Variants in PRKAG3 observed in about 807,000 individuals in gnomAD.
The protein encoded by PRKAG3 is protein kinase AMP-activated non-catalytic subunit gamma 3.
PRKAG3 carries 39 observed loss-of-function variants against 56.5 expected under a neutral mutation model. The ratio of observed to expected loss-of-function variants is 0.69; its 90% CI spans 0.53 to 0.90. The LOEUF (loss-of-function observed/expected upper bound fraction) is 0.90. Among genes scored for constraint, PRKAG3 ranks in the 40% least tolerant of loss-of-function variants. The pLI is 0.00. For missense variants in PRKAG3, 628 were observed against 627.5 expected, an observed-to-expected ratio of 1.00 and a Z score of -0.01; for synonymous variants, 243 against 250.1, an observed-to-expected ratio of 0.97 and a Z score of 0.27.
At chr2:218,831,478 C>G (rs13399980) in intron 1 of PRKAG3, 103 bp from the exon 2 acceptor site, 1 of 1,124,136 alleles carries the variant, frequency 8.9e-7, no homozygotes, top group African/African-American at 1.6e-5. Flanking sequence ...CCAATACACA[C>G]GCTCAGACAC....
intron 4 of PRKAG3, among the ~76,000 whole-genome samples, chr2:218,829,214 G>T (rs1242091640): frequency 1.3e-5 from 2 of 152,126 alleles, no homozygotes; most frequent in Non-Finnish European, 1.5e-5. Flanking sequence ...ATAAGAATAA[G>T]ATTATAGACA....
Position 218,827,283 on chromosome 2 carries a change from G to A in PRKAG3, c.966C>T (p.Leu322=). 1 of 1,614,202 alleles carries A rather than the reference G, an allele frequency of 6.2e-7. No homozygotes were observed. The highest frequency in any genetic ancestry group is 8.5e-7 in the Non-Finnish European group (1 of 1,180,034). The stretch of plus-strand genomic sequence containing the variant: ...GGAACTTGAGCAGGCGTTTGTGTGT[G>A]AGGATGTGGAGTACGTTGCCTGACA... Residue 322 remains leucine (L), a synonymous_variant, in exon 9 of 13, where the codon CTC becomes CTT. Coordinates refer to ENST00000529249, the Ensembl canonical transcript of PRKAG3. The surrounding 1 kb of genome is among the most constrained non-coding windows in gnomAD (Gnocchi z 5.3).
chr2:218,829,986 T>C (rs1308219310), exon 4 of PRKAG3: 15 of 1,613,220 alleles, frequency 9.3e-6, no homozygotes, highest in African/African-American at 1.3e-5. Context: ...ACCTCCAGCA[T>C]GGTGTCGAAG....
At chr2:218,823,075 G>A (rs527906757), downstream of PRKAG3, 16 of 954,920 alleles carry the variant, frequency 1.7e-5, no homozygotes, top group Middle Eastern at 5.4e-4. Flanking sequence ...GGCTGAAGAA[G>A]CCTGTGGGGA....
rs767579966 is a variant in PRKAG3 at position 218,831,729 on chromosome 2, C to T, written c.33+9G>A. 18 of 1,610,274 alleles carry T rather than the reference C, an allele frequency of 1.1e-5. No individual in the cohort carries two copies. The highest frequency in any genetic ancestry group is 1.7e-5 in the Admixed American group (1 of 59,622). The stretch of plus-strand genomic sequence containing the variant: ...TGCCCCGGCTCCGGCTCCCCTGGGA[C>T]CCCCATACCCTGCGCAGTGCGTGCT... On this transcript the variant is annotated intron_variant, in intron 1 of 12. Transcript: ENST00000529249.
chr2:218,830,417 C>T (rs1944003612), intron 3 of PRKAG3, 36 bp from the exon 4 acceptor site: 5 of 1,588,262 alleles, frequency 3.1e-6, no homozygotes, highest in African/African-American at 1.3e-5. Flanking sequence ...ACAGTAACTC[C>T]ATCTTCCAAA....
chr2:218,827,215 TC>T lies in PRKAG3; in HGVS notation c.1002+31del, dbSNP rs1293822163. ...GGCCCTCTGATCACCTGCCCAGGTCTCCCCCTTCCTCCCACCTGGGCCCAGG... is the reference window on the plus strand; with the variant it reads ...GGCCCTCTGATCACCTGCCCAGGTCTCCCCTTCCTCCCACCTGGGCCCAGG... On this transcript the variant is annotated intron_variant, in intron 9 of 12. Transcript: ENST00000529249. This position sits in a 1 kb window ranked among gnomAD's most constrained non-coding sequence, Gnocchi z 5.3. The T allele has an allele frequency of 1.2e-6, 2 of 1,613,792 alleles. No individual in the cohort carries two copies. Among genetic ancestry groups the T allele is most frequent in the Non-Finnish European group, 1.7e-6 (2 of 1,179,932 alleles).
chr2:218,831,438 C>A, intron 1 of PRKAG3, 63 bp from the exon 2 acceptor site: 1 of 1,432,786 alleles, frequency 7.0e-7, no homozygotes, highest in Non-Finnish European at 9.5e-7. Context: ...ACCCCTTCTC[C>A]CTGAACACAC....
chr2:218,831,067 C>G (rs1467402551), intron 2 of PRKAG3, among the ~76,000 whole-genome samples, 166 bp from the exon 3 acceptor site: 1 of 152,190 alleles, frequency 6.6e-6, no homozygotes, highest in African/African-American at 2.4e-5. Context: ...TTATTATCAT[C>G]CCTATTTTGC....
In PRKAG3 at chr2:218,831,731, C is replaced by T. The variant is rs1378175858; in HGVS notation, c.33+7G>A. On this transcript the variant is annotated splice_region_variant and intron_variant, in intron 1 of 12. Coordinates refer to ENST00000529249, the Ensembl canonical transcript of PRKAG3. ...CCCCGGCTCCGGCTCCCCTGGGACCCCCATACCCTGCGCAGTGCGTGCTCC... is the reference window on the plus strand; with the variant it reads ...CCCCGGCTCCGGCTCCCCTGGGACCTCCATACCCTGCGCAGTGCGTGCTCC... The T allele has an allele frequency of 1.2e-6, 2 of 1,610,586 alleles. No individual in the cohort carries two copies. Among genetic ancestry groups the T allele is most frequent in the African/African-American group, 2.7e-5 (2 of 75,018 alleles).
At chr2:218,826,454 TA>T (rs1943933814) in intron 10 of PRKAG3, among the ~76,000 whole-genome samples, 1 of 152,128 alleles carries the variant, frequency 6.6e-6, no homozygotes, top group African/African-American at 2.4e-5. Context: ...TAAATTTTAT[TA>T]TTTCGTTATT....
At chr2:218,831,432 C>T in intron 1 of PRKAG3, 57 bp from the exon 2 acceptor site, 1 of 1,481,998 alleles carries the variant, frequency 6.7e-7, no homozygotes. Flanking sequence ...TCCCAAACCC[C>T]TTCTCCCTGA....
At chr2:218,830,371 G>A in exon 4 of PRKAG3, 2 of 1,607,414 alleles carry the variant, frequency 1.2e-6, no homozygotes, top group East Asian at 2.2e-5. Flanking sequence ...CAGCTGGCCT[G>A]GACCGGGGAC....
chr2:218,831,655 C>T (rs376204527), intron 1 of PRKAG3, 83 bp downstream of exon 1: 83 of 1,516,194 alleles, frequency 5.5e-5, no homozygotes, highest in African/African-American at 6.9e-5. Flanking sequence ...AAGACACACA[C>T]GCCCACACAC....
At chr2:218,826,902 G>A (rs777434186) in intron 10 of PRKAG3, 26 bp downstream of exon 10, 12 of 1,613,458 alleles carry the variant, frequency 7.4e-6, no homozygotes, top group East Asian at 2.2e-5. Context: ...AGCCCAGCCC[G>A]AGCCTCTCAT....
exon 10 of PRKAG3, chr2:218,826,977 G>A (rs1223236725): frequency 6.2e-7 from 1 of 1,614,202 alleles, no homozygotes; most frequent in South Asian, 1.1e-5. Flanking sequence ...CCACAAAGAT[G>A]TCCAGTGCAG....
intron 12 of PRKAG3, 81 bp downstream of exon 12, chr2:218,824,141 G>T: frequency 6.2e-7 from 1 of 1,605,078 alleles, no homozygotes; most frequent in South Asian, 1.1e-5. Context: ...CCAGGTGCCC[G>T]ATGTTCAGGG....
In PRKAG3 at chr2:218,831,756, C is replaced by T. The variant is rs1415851312; in HGVS notation, c.15G>A (p.Leu5=). 4 of 1,610,592 alleles carry T rather than the reference C, an allele frequency of 2.5e-6. No individual in the cohort carries two copies. In the African/African-American group the frequency reaches 5.3e-5, roughly 21 times the overall value. The change falls in exon 1 of 13, where the codon CTG becomes CTA. Residue 5 remains leucine, a synonymous_variant. Transcript: ENST00000529249. The stretch of plus-strand genomic sequence containing the variant: ...CCCATACCCTGCGCAGTGCGTGCTC[C>T]AGCCCGGGCTCCATGTGGCCAGCCC...
At chr2:218,831,717 G>A in intron 1 of PRKAG3, 21 bp downstream of exon 1, 1 of 1,608,244 alleles carries the variant, frequency 6.2e-7, no homozygotes, top group East Asian at 2.2e-5. Context: ...CCCGGCTCCG[G>A]CTCCCCTGGG....
Sources: allele counts gnomAD v4.1 joint callset (sites outside exome capture counted in the v4.1 genomes callset), GRCh38; gene constraint gnomAD v4.1.1; non-coding constraint Gnocchi (gnomAD v3.1); transcripts MANE v1.5; gene names NCBI Gene and HGNC (gene_info 2026-07-23, HGNC 2026-07-21).